BCKDHB: variants seen among roughly 807,000 people sequenced by gnomAD.
BCKDHB encodes the protein 2-oxoisovalerate dehydrogenase subunit beta, mitochondrial.
BCKDHB carries 41 observed loss-of-function variants against 48.5 expected under a neutral mutation model. The ratio of observed to expected loss-of-function variants is 0.85; its 90% CI spans 0.66 to 1.10. BCKDHB has a LOEUF of 1.10. Ranked by LOEUF, BCKDHB falls within the 50% of genes least tolerant of loss-of-function variation. The pLI is 0.00. For synonymous variants in BCKDHB, 201 were observed against 174.8 expected (o/e 1.15, Z -1.18); for missense variants, 496 against 494.2 (o/e 1.00, Z -0.03).
At chr6:80,433,726 T>C in the BCKDHB span, among the ~76,000 whole-genome samples, 1 of 152,064 alleles carries the variant, frequency 6.6e-6, no homozygotes, top group Non-Finnish European at 1.5e-5. Flanking sequence ...AAAAAAGAAC[T>C]CCTGAAGCTA....
chr6:80,312,039 T>G (rs1370067944), intron 9 of BCKDHB, among the ~76,000 whole-genome samples: 1 of 152,214 alleles, frequency 6.6e-6, no homozygotes, highest in African/African-American at 2.4e-5. Context: ...TTTAATGATA[T>G]CAGTTCTTAT....
At chr6:80,270,730 G>A (rs1355111607) in intron 8 of BCKDHB, among the ~76,000 whole-genome samples, 1 of 152,106 alleles carries the variant, frequency 6.6e-6, no homozygotes, top group Non-Finnish European at 1.5e-5. Flanking sequence ...CAAGTGATGA[G>A]CTGGATATGG....
intron 9 of BCKDHB, among the ~76,000 whole-genome samples, chr6:80,285,341 T>G (rs2127979037): frequency 6.6e-6 from 1 of 152,306 alleles, no homozygotes; most frequent in South Asian, 2.1e-4. Flanking sequence ...TCTTCTAATA[T>G]GATGGAATGC....
At chr6:80,295,553 G>T (rs1216100331) in intron 9 of BCKDHB, among the ~76,000 whole-genome samples, 1 of 150,214 alleles carries the variant, frequency 6.7e-6, no homozygotes, top group Admixed American at 6.6e-5. Flanking sequence ...GATGAGATTT[G>T]AGTGGTGACA....
the BCKDHB span, among the ~76,000 whole-genome samples, chr6:80,377,295 GC>G: frequency 7.9e-5 from 12 of 152,160 alleles, no homozygotes; most frequent in East Asian, 9.7e-4. Context: ...GTCCTCCTCG[GC>G]CTCCCAAAGT....
chr6:80,147,965 A>C (rs1240861127), intron 3 of BCKDHB, among the ~76,000 whole-genome samples: 1 of 152,150 alleles, frequency 6.6e-6, no homozygotes, highest in Non-Finnish European at 1.5e-5. Context: ...TTACACATTG[A>C]ATGAAATTCC....
At chr6:80,392,082 T>A in the BCKDHB span, among the ~76,000 whole-genome samples, 1 of 152,054 alleles carries the variant, frequency 6.6e-6, no homozygotes, top group African/African-American at 2.4e-5. Context: ...AACCTCCACC[T>A]CCCAGGTTCA....
intron 6 of BCKDHB, among the ~76,000 whole-genome samples, chr6:80,193,681 C>T (rs561885955): frequency 2.3e-4 from 34 of 148,794 alleles, no homozygotes; most frequent in African/African-American, 8.3e-4. Flanking sequence ...GACTGTGCCA[C>T]TGCACTCTAG....
At chr6:80,246,329 T>C (rs1470160439) in intron 8 of BCKDHB, among the ~76,000 whole-genome samples, 2 of 152,198 alleles carry the variant, frequency 1.3e-5, no homozygotes, top group Non-Finnish European at 2.9e-5. Context: ...GCCTCCCCTA[T>C]GTATCTTGTC....
chr6:80,409,615 TATATATATATATA>T, the BCKDHB span, among the ~76,000 whole-genome samples: 2 of 100,544 alleles, frequency 2.0e-5, no homozygotes, highest in Non-Finnish European at 4.2e-5. Flanking sequence ...TATATATATA[TATATATATATATA>T]TATGATAGTT....
chr6:80,250,764 A>G (rs2127934547), intron 8 of BCKDHB, among the ~76,000 whole-genome samples: 1 of 152,290 alleles, frequency 6.6e-6, no homozygotes, highest in South Asian at 2.1e-4. Context: ...TCCATGGCAC[A>G]GTGGATATAC....
intron 9 of BCKDHB, among the ~76,000 whole-genome samples, chr6:80,283,933 T>A: frequency 6.6e-6 from 1 of 152,116 alleles, no homozygotes; most frequent in East Asian, 1.9e-4. Flanking sequence ...TAGGCAAAAA[T>A]GAAGACACAT....
chr6:80,436,729 C>A, the BCKDHB span, among the ~76,000 whole-genome samples: 5 of 152,182 alleles, frequency 3.3e-5, no homozygotes, highest in Non-Finnish European at 7.3e-5. Context: ...AATACTCTTT[C>A]CCTTTTGAAG....
rs73465592 is a variant in BCKDHB, at chr6:80,337,530, T to C, written c.1039-6134T>C. Among the ~76,000 whole-genome samples, 1,186 of 152,048 alleles carry C rather than the reference T, an allele frequency of 7.8e-3. 10 individuals carry two copies. Among genetic ancestry groups the C allele is most frequent in the African/African-American group, 0.027 (1,141 of 41,536 alleles). On this transcript the variant is annotated intron_variant, in intron 9 of 9. Transcript: ENST00000320393. ...GCATTTAAAACTATTTCTTAATGTT[T>C]TTTTCCTAGAGAAGAAATGATAGCT...
intron 8 of BCKDHB, among the ~76,000 whole-genome samples, chr6:80,205,834 G>T (rs905427825): frequency 5.1e-4 from 66 of 130,082 alleles, no homozygotes; most frequent in African/African-American, 1.8e-3. Flanking sequence ...GTGTGTGTGT[G>T]TAGGTGGATT....
At chr6:80,291,632 A>G (rs1481467035) in intron 9 of BCKDHB, among the ~76,000 whole-genome samples, 1 of 152,176 alleles carries the variant, frequency 6.6e-6, no homozygotes, top group Non-Finnish European at 1.5e-5. Context: ...ATATTGATCT[A>G]ATTTCTACAT....
chr6:80,235,634 T>C (rs745498923), intron 8 of BCKDHB, among the ~76,000 whole-genome samples: 62 of 152,224 alleles, frequency 4.1e-4, no homozygotes, highest in Non-Finnish European at 1.0e-4. Context: ...GATTGCCACA[T>C]TAATTATGTC....
chr6:80,297,801 T>C (rs961962515), intron 9 of BCKDHB, among the ~76,000 whole-genome samples: 3 of 152,288 alleles, frequency 2.0e-5, no homozygotes, highest in Admixed American at 2.0e-4. Flanking sequence ...CCCAAAAGTA[T>C]ATTTCCTACC....
At chr6:80,407,623 A>G in the BCKDHB span, among the ~76,000 whole-genome samples, 1 of 152,152 alleles carries the variant, frequency 6.6e-6, no homozygotes, top group Non-Finnish European at 1.5e-5. Context: ...GCAATTGTGA[A>G]TGGGAGCTCA....
Sources: gnomAD v4.1 joint callset for allele counts (sites outside exome capture counted in the v4.1 genomes callset) on GRCh38, gnomAD v4.1.1 for gene constraint, MANE v1.5 for transcripts, NCBI Gene and HGNC (gene_info 2026-07-23, HGNC 2026-07-21) for gene names.